Variants in FAM222B observed in about 807,000 individuals in gnomAD.
FAM222B encodes the protein family with sequence similarity 222 member B, also known as protein FAM222B.
Under a neutral mutation model 38.0 loss-of-function variants are expected in FAM222B, and 12 were observed. The observed-to-expected ratio is 0.32, with a 90% CI of 0.20 to 0.51. FAM222B has a LOEUF of 0.51. Ranked by LOEUF, FAM222B falls within the 20% of genes least tolerant of loss-of-function variation. FAM222B has a pLI of 0.97. For missense variants in FAM222B, 716 were observed against 754.2 expected (o/e 0.95, Z 0.59); for synonymous variants, 329 against 317.2 (o/e 1.04, Z -0.40).
At chr17:28,762,297 C>T (rs1257545604) in intron 2 of FAM222B, 1 of 152,130 alleles carries the variant, frequency 6.6e-6, no homozygotes, top group African/African-American at 2.4e-5. Flanking sequence ...AATACAGCAC[C>T]ATCTACCTCA....
chr17:28,802,482 C>A, intron 1 of FAM222B: 1 of 153,676 alleles, frequency 6.5e-6, no homozygotes. Context: ...AGAAGAAAGG[C>A]TGTTCTGCCA....
chr17:28,840,684 C>T (rs1012242899), intron 1 of FAM222B, among the ~76,000 whole-genome samples: 5 of 151,932 alleles, frequency 3.3e-5, no homozygotes, highest in Non-Finnish European at 5.9e-5. Context: ...GGGCCAAGCA[C>T]GGTGGTTCAC....
chr17:28,835,185 C>G (rs1284742136), intron 1 of FAM222B, among the ~76,000 whole-genome samples: 1 of 152,022 alleles, frequency 6.6e-6, no homozygotes, highest in African/African-American at 2.4e-5. Context: ...GCTGGGATTA[C>G]AGGCACCTGC....
At position 28,781,301 on chromosome 17, in the gene FAM222B, A is replaced by G. The variant is rs187231069; in HGVS notation, c.-40-14594T>C. Among the ~76,000 whole-genome samples the G allele has an allele frequency of 4.5e-4, 69 of 152,270 alleles. No individual in the cohort carries two copies. The East Asian group carries it at 8.7e-3, about 19-fold the overall frequency. Reference sequence around the variant, plus strand: ...TGATGGAAGTGAAACCTTGTCTCAAAAAACAAAAAACCAAAAACAAACAAA... The same window carrying G: ...TGATGGAAGTGAAACCTTGTCTCAAGAAACAAAAAACCAAAAACAAACAAA... On this transcript the variant is annotated intron_variant, in intron 1 of 2. Transcript: ENST00000581407.
At chr17:28,779,676 C>T (rs920792919) in intron 1 of FAM222B, among the ~76,000 whole-genome samples, 1 of 151,692 alleles carries the variant, frequency 6.6e-6, no homozygotes, top group Non-Finnish European at 1.5e-5. Flanking sequence ...GCGTGAACCC[C>T]GGAGGCGGAG....
chr17:28,790,884 C>CAATTTTTTTTTTTTTTTTTTTT (rs71135852), intron 1 of FAM222B, among the ~76,000 whole-genome samples: 2 of 86,062 alleles, frequency 2.3e-5, no homozygotes, highest in Admixed American at 1.7e-4. Flanking sequence ...AATTGTTTCA[C>CAATTTTTTTTTTTTTTTTTTTT]TTTTTTTTTT....
Position 28,756,456 on chromosome 17 carries a change from A to G in FAM222B, c.*1814T>C, listed in dbSNP as rs76984228. 6.6e-6 allele frequency: 1 copy of G among 152,566 alleles called. No individual in the cohort carries two copies. Among genetic ancestry groups the G allele is most frequent in the Non-Finnish European group, 1.5e-5 (1 of 68,048 alleles). 9.5% of individuals were successfully genotyped at this position (152,566 alleles called of 1,614,324 possible). ...GAGAGGTATTGGGGAGGAAAAAAAA[A>G]TACAGCAAGAATATCTGCTTTGGAG... On this transcript the variant is annotated 3_prime_UTR_variant, in exon 3 of 3. Coordinates refer to ENST00000581407, the MANE Select transcript of FAM222B (RefSeq NM_001077498.3).
chr17:28,799,810 G>A (rs941082682), intron 1 of FAM222B, among the ~76,000 whole-genome samples: 2 of 152,084 alleles, frequency 1.3e-5, no homozygotes, highest in African/African-American at 4.8e-5. Context: ...GATCTCGGCT[G>A]TTGCCCAGGC....
intron 2 of FAM222B, among the ~76,000 whole-genome samples, chr17:28,761,494 T>C (rs2035069585): frequency 6.6e-6 from 1 of 152,232 alleles, no homozygotes; most frequent in Non-Finnish European, 1.5e-5. Flanking sequence ...ATGCCCAGCT[T>C]GTGGCCTCAG....
At chr17:28,769,664 CA>C (rs2035528724) in intron 1 of FAM222B, among the ~76,000 whole-genome samples, 1 of 152,186 alleles carries the variant, frequency 6.6e-6, no homozygotes, top group Admixed American at 6.5e-5. Context: ...GAATAAAATA[CA>C]AAATCCTAAC....
chr17:28,771,824 G>T (rs1477939742), intron 1 of FAM222B, among the ~76,000 whole-genome samples: 4 of 152,176 alleles, frequency 2.6e-5, no homozygotes, highest in Non-Finnish European at 5.9e-5. Flanking sequence ...GGAGGCCGAG[G>T]TGGGCGGATC....
intron 1 of FAM222B, among the ~76,000 whole-genome samples, chr17:28,820,022 A>G (rs2038155195): frequency 3.3e-5 from 5 of 152,200 alleles, no homozygotes; most frequent in Admixed American, 3.3e-4. Context: ...AATTCCAGAA[A>G]AAAAGATTCC....
intron 1 of FAM222B, among the ~76,000 whole-genome samples, chr17:28,820,414 A>C (rs1392890988): frequency 6.6e-6 from 1 of 152,188 alleles, no homozygotes; most frequent in Non-Finnish European, 1.5e-5. Context: ...TAACTGCAAC[A>C]ATCACCTAAT....
chr17:28,774,101 C>T (rs1037092683), intron 1 of FAM222B, among the ~76,000 whole-genome samples: 4 of 152,050 alleles, frequency 2.6e-5, no homozygotes, highest in South Asian at 2.1e-4. Context: ...AAACTACCCA[C>T]ACCTTTTGAT....
chr17:28,788,920 T>G (rs1476402833), intron 1 of FAM222B, among the ~76,000 whole-genome samples: 1 of 151,282 alleles, frequency 6.6e-6, no homozygotes, highest in Non-Finnish European at 1.5e-5. Flanking sequence ...TTTTGTATTT[T>G]TAGTTTAGTA....
At chr17:28,761,312 G>A (rs1396321803) in intron 2 of FAM222B, among the ~76,000 whole-genome samples, 5 of 152,216 alleles carry the variant, frequency 3.3e-5, no homozygotes, top group Admixed American at 2.6e-4. Flanking sequence ...CTGAGGGAGG[G>A]TCTCCCCTGA....
At chr17:28,777,179 G>A (rs574469972) in intron 1 of FAM222B, 2 of 152,278 alleles carry the variant, frequency 1.3e-5, no homozygotes, top group African/African-American at 2.4e-5. Context: ...AGAGAGATGG[G>A]TATTTACTCT....
intron 1 of FAM222B, among the ~76,000 whole-genome samples, chr17:28,791,161 C>T (rs573188458): frequency 1.3e-5 from 2 of 151,746 alleles, no homozygotes; most frequent in Non-Finnish European, 2.9e-5. Flanking sequence ...CTGCCCACCT[C>T]GGCCTCCCAA....
intron 1 of FAM222B, among the ~76,000 whole-genome samples, chr17:28,805,682 A>G (rs1305808893): frequency 2.0e-5 from 3 of 152,160 alleles, no homozygotes; most frequent in Admixed American, 6.6e-5. Flanking sequence ...GAAACACAAA[A>G]AAGTGGGATC....
Sources: allele counts gnomAD v4.1 joint callset (sites outside exome capture counted in the v4.1 genomes callset), GRCh38; gene constraint gnomAD v4.1.1; transcripts MANE v1.5; gene names NCBI Gene and HGNC (gene_info 2026-07-23, HGNC 2026-07-21).